Variants in L3MBTL4 observed in about 807,000 individuals in gnomAD.
The protein encoded by L3MBTL4 is lethal(3)malignant brain tumor-like protein 4.
Under a neutral mutation model 84.5 loss-of-function variants are expected in L3MBTL4, and 70 were observed. That is an observed-to-expected ratio of 0.83 (90% CI 0.68 to 1.01). The LOEUF (loss-of-function observed/expected upper bound fraction) is 1.01, where lower values mean the gene tolerates loss of function less well. Ranked by LOEUF, L3MBTL4 falls within the 50% of genes least tolerant of loss-of-function variation. The pLI, the probability that L3MBTL4 is intolerant of heterozygous loss-of-function variation, is 0.00. For synonymous variants in L3MBTL4, 274 were observed against 259.8 expected, an observed-to-expected ratio of 1.05 and a Z score of -0.52; for missense variants, 715 against 754.8, an observed-to-expected ratio of 0.95 and a Z score of 0.62.
chr18:6,103,844 T>A (rs1271431418), intron 14 of L3MBTL4, among the ~76,000 whole-genome samples: 3 of 152,232 alleles, frequency 2.0e-5, no homozygotes, highest in African/African-American at 7.2e-5. Flanking sequence ...ACCTATGCAC[T>A]GAGATTAGAA....
At chr18:6,121,838 C>T (rs1305572670) in intron 14 of L3MBTL4, among the ~76,000 whole-genome samples, 1 of 152,078 alleles carries the variant, frequency 6.6e-6, no homozygotes, top group East Asian at 1.9e-4. Flanking sequence ...TCTTAACAGT[C>T]TCCTTAACAA....
chr18:6,219,637 T>A (rs961911081), intron 10 of L3MBTL4, among the ~76,000 whole-genome samples: 6 of 151,528 alleles, frequency 4.0e-5, no homozygotes, highest in Non-Finnish European at 7.4e-5. Context: ...CAGCAATTCT[T>A]CCGGTAAAAC....
intron 14 of L3MBTL4, among the ~76,000 whole-genome samples, chr18:6,128,034 G>C (rs1213968662): frequency 1.0e-5 from 1 of 98,032 alleles, no homozygotes; most frequent in African/African-American, 6.2e-5. Context: ...AATATTGGGT[G>C]GGGCGGGGGA....
At chr18:6,110,952 C>T (rs923333195) in intron 14 of L3MBTL4, among the ~76,000 whole-genome samples, 2 of 152,098 alleles carry the variant, frequency 1.3e-5, no homozygotes, top group Non-Finnish European at 2.9e-5. Context: ...GGTTCCTTTC[C>T]TCCTTATACC....
intron 1 of L3MBTL4, among the ~76,000 whole-genome samples, chr18:6,388,177 T>TA (rs1478461255): frequency 1.3e-5 from 2 of 151,984 alleles, no homozygotes; most frequent in Non-Finnish European, 2.9e-5. Context: ...TTTATCAACA[T>TA]AAAAAAATGC....
intron 16 of L3MBTL4, among the ~76,000 whole-genome samples, chr18:6,073,359 C>A (rs2057752011): frequency 6.6e-6 from 1 of 151,876 alleles, no homozygotes; most frequent in Admixed American, 6.6e-5. Flanking sequence ...AAAACTAATA[C>A]AAGAAGAAAT....
intron 12 of L3MBTL4, among the ~76,000 whole-genome samples, chr18:6,186,843 G>A (rs1362811386): frequency 6.6e-6 from 1 of 152,200 alleles, no homozygotes; most frequent in South Asian, 2.1e-4. Context: ...GCAGATGTGG[G>A]GGCTGTGAGG....
intron 12 of L3MBTL4, among the ~76,000 whole-genome samples, chr18:6,205,061 G>A (rs73383994): frequency 5.9e-5 from 9 of 152,098 alleles, no homozygotes; most frequent in Non-Finnish European, 1.2e-4. Flanking sequence ...AATAGGTCCC[G>A]TAACATGGCA....
chr18:6,270,866 A>G (rs73385968), intron 4 of L3MBTL4, among the ~76,000 whole-genome samples: 185 of 152,294 alleles, frequency 1.2e-3, no homozygotes, highest in African/African-American at 4.1e-3. Context: ...GAGACTTTCG[A>G]GTGGTAGGTG....
intron 14 of L3MBTL4, among the ~76,000 whole-genome samples, chr18:6,094,728 T>C (rs935305383): frequency 6.6e-6 from 1 of 151,940 alleles, no homozygotes; most frequent in African/African-American, 2.4e-5. Flanking sequence ...TTATCATGAG[T>C]CCAGCGAACA....
At chr18:6,243,200 A>T in intron 7 of L3MBTL4, 94 bp downstream of exon 7, 1 of 1,157,544 alleles carries the variant, frequency 8.6e-7, no homozygotes, top group Non-Finnish European at 1.2e-6. Context: ...AATCCACACC[A>T]GGATCTCTTC....
intron 17 of L3MBTL4, 66 bp from the exon 18 acceptor site, chr18:5,960,222 T>C (rs1450568686): frequency 2.1e-6 from 2 of 933,464 alleles, no homozygotes; most frequent in African/African-American, 1.7e-5. Context: ...GTTGCAGTAA[T>C]CCAACATTTA....
intron 1 of L3MBTL4, among the ~76,000 whole-genome samples, chr18:6,357,288 A>G (rs1055524133): frequency 6.6e-6 from 1 of 152,190 alleles, no homozygotes; most frequent in Non-Finnish European, 1.5e-5. Flanking sequence ...CTTTCTCATC[A>G]AATCTTGAGA....
At chr18:6,125,297 A>G (rs934690433) in intron 14 of L3MBTL4, among the ~76,000 whole-genome samples, 2 of 152,246 alleles carry the variant, frequency 1.3e-5, no homozygotes, top group Non-Finnish European at 1.5e-5. Flanking sequence ...GCAAATTGGC[A>G]TATGTACAAG....
At chr18:6,198,278 G>T (rs1041940270) in intron 12 of L3MBTL4, among the ~76,000 whole-genome samples, 2 of 152,122 alleles carry the variant, frequency 1.3e-5, no homozygotes, top group Non-Finnish European at 2.9e-5. Context: ...CCATTTGTCT[G>T]TTTCATTTCC....
intron 14 of L3MBTL4, among the ~76,000 whole-genome samples, chr18:6,115,590 G>A (rs557996374): frequency 1.3e-5 from 2 of 152,274 alleles, no homozygotes; most frequent in South Asian, 4.2e-4. Context: ...TTGAATATAT[G>A]GGTCTCTGTT....
At chr18:6,066,185 G>T (rs1470168408) in intron 16 of L3MBTL4, among the ~76,000 whole-genome samples, 3 of 152,076 alleles carry the variant, frequency 2.0e-5, no homozygotes, top group Non-Finnish European at 4.4e-5. Flanking sequence ...TTTTGGAGTT[G>T]ATTTCCAGTT....
At chr18:6,362,212 G>A (rs1374894219) in intron 1 of L3MBTL4, among the ~76,000 whole-genome samples, 1 of 126,856 alleles carries the variant, frequency 7.9e-6, no homozygotes, top group Non-Finnish European at 1.7e-5. Flanking sequence ...AGGGAAGGAG[G>A]GAGGGAGGGG....
intron 16 of L3MBTL4, among the ~76,000 whole-genome samples, chr18:6,042,014 C>T (rs1229400548): frequency 6.6e-6 from 1 of 152,118 alleles, no homozygotes; most frequent in East Asian, 1.9e-4. Context: ...TGAACTACCA[C>T]CCGGCCATCT....
Sources: allele counts gnomAD v4.1 joint callset (sites outside exome capture counted in the v4.1 genomes callset), GRCh38; gene constraint gnomAD v4.1.1; transcripts MANE v1.5; gene names NCBI Gene and HGNC (gene_info 2026-07-23, HGNC 2026-07-21).